The following OR51B5 variants were observed in gnomAD, a reference collection of about 807,000 sequenced individuals.
OR51B5 encodes olfactory receptor 51B5.
For missense variants in OR51B5, 456 were observed against 374.6 expected (o/e 1.22, Z -1.79); for synonymous variants, 186 against 144.8 (o/e 1.28, Z -2.04).
intron 1 of OR51B5, among the ~76,000 whole-genome samples, chr11:5,377,489 G>T (rs778972381): frequency 7.2e-5 from 11 of 152,086 alleles, no homozygotes; most frequent in Admixed American, 6.6e-4. Context: ...AGGAAAAAAG[G>T]GTATTCAATT....
chr11:5,448,558 A>G (rs919098591), intron 1 of OR51B5, among the ~76,000 whole-genome samples: 4 of 152,250 alleles, frequency 2.6e-5, no homozygotes, highest in Non-Finnish European at 5.9e-5. Context: ...GCAACCACAC[A>G]GAATAATGAT....
chr11:5,386,463 T>A (rs7113139), intron 1 of OR51B5, among the ~76,000 whole-genome samples: 27,574 of 152,206 alleles, frequency 0.18, 2,663 homozygotes, highest in African/African-American at 0.26. Context: ...CATAGTTACA[T>A]GAAATATTCA....
At chr11:5,433,984 C>T (rs974147415) in intron 1 of OR51B5, among the ~76,000 whole-genome samples, 4 of 152,182 alleles carry the variant, frequency 2.6e-5, no homozygotes, top group Non-Finnish European at 5.9e-5. Context: ...ACTTTCCTGA[C>T]ATGTGAAATG....
chr11:5,369,640 C>T (rs1849421584), intron 1 of OR51B5, among the ~76,000 whole-genome samples: 2 of 152,116 alleles, frequency 1.3e-5, no homozygotes, highest in African/African-American at 2.4e-5. Context: ...CCTTACCTTT[C>T]TATCCTCCCT....
chr11:5,346,479 T>C (rs546083663), upstream of OR51B5: 2 of 136,738 alleles, frequency 1.5e-5, no homozygotes, highest in South Asian at 2.3e-4. Flanking sequence ...GAAAATCAGA[T>C]AAACTTCTAA....
intron 1 of OR51B5, among the ~76,000 whole-genome samples, chr11:5,410,766 T>C (rs949092544): frequency 2.6e-5 from 4 of 152,176 alleles, no homozygotes; most frequent in East Asian, 1.9e-4. Flanking sequence ...AACAATATAC[T>C]GATGATCTTG....
chr11:5,460,804 T>C (rs1050092848), intron 1 of OR51B5, among the ~76,000 whole-genome samples: 2 of 152,208 alleles, frequency 1.3e-5, no homozygotes, highest in East Asian at 3.8e-4. Flanking sequence ...ATAAGTTTGG[T>C]TTAGTTGATT....
intron 1 of OR51B5, chr11:5,391,503 T>C (rs1849794733): frequency 6.6e-6 from 1 of 152,234 alleles, no homozygotes; most frequent in Non-Finnish European, 1.5e-5. Context: ...GCCTAGCACA[T>C]GCCATATACT....
chr11:5,476,632 A>G (rs1221442745), intron 1 of OR51B5, among the ~76,000 whole-genome samples: 1 of 152,204 alleles, frequency 6.6e-6, no homozygotes, highest in Non-Finnish European at 1.5e-5. Flanking sequence ...CAAGAACTGT[A>G]AGACTTTTCA....
intron 1 of OR51B5, among the ~76,000 whole-genome samples, chr11:5,458,056 G>C (rs560473068): frequency 6.6e-6 from 1 of 152,104 alleles, no homozygotes; most frequent in Non-Finnish European, 1.5e-5. Flanking sequence ...GTCCAGAATG[G>C]TATTTCCTAG....
chr11:5,409,488 T>G (rs964595822), intron 1 of OR51B5, among the ~76,000 whole-genome samples: 4 of 137,612 alleles, frequency 2.9e-5, no homozygotes, highest in Admixed American at 7.9e-5. Context: ...TAAAAAATAA[T>G]TCAATGCAAA....
At chr11:5,477,754 C>CA (rs1464216059) in intron 1 of OR51B5, among the ~76,000 whole-genome samples, 1 of 152,100 alleles carries the variant, frequency 6.6e-6, no homozygotes, top group African/African-American at 2.4e-5. Flanking sequence ...GGGTGACGGA[C>CA]GCACCTGGAA....
At chr11:5,377,177 A>G (rs1773738579) in intron 1 of OR51B5, among the ~76,000 whole-genome samples, 3 of 152,122 alleles carry the variant, frequency 2.0e-5, no homozygotes, top group South Asian at 2.1e-4. Flanking sequence ...AATAAATGTA[A>G]TCCAGCATAT....
chr11:5,359,682 A>G (rs1297368880), intron 1 of OR51B5, among the ~76,000 whole-genome samples: 1 of 150,200 alleles, frequency 6.7e-6, no homozygotes, highest in East Asian at 1.9e-4. Context: ...GCCCACATTG[A>G]CATGCCAATC....
chr11:5,389,334 T>C, intron 1 of OR51B5: 1 of 1,476,156 alleles, frequency 6.8e-7, no homozygotes. Context: ...ATGTTGTGAA[T>C]GTTAGTGAAG....
At chr11:5,477,026 A>T (rs1851318331) in intron 1 of OR51B5, among the ~76,000 whole-genome samples, 1 of 152,208 alleles carries the variant, frequency 6.6e-6, no homozygotes, top group South Asian at 2.1e-4. Flanking sequence ...TGTTTTGTAT[A>T]TTTTAAAATG....
chr11:5,468,363 A>C, intron 1 of OR51B5: 1 of 215,082 alleles, frequency 4.6e-6, no homozygotes, highest in Non-Finnish European at 9.3e-6. Flanking sequence ...AACTTCTGGC[A>C]GGTACACAAT....
chr11:5,474,434 C>T (rs1208559675), intron 1 of OR51B5, among the ~76,000 whole-genome samples: 1 of 152,180 alleles, frequency 6.6e-6, no homozygotes, highest in Admixed American at 6.5e-5. Flanking sequence ...GAAGACCCTA[C>T]TAGCCTGCTA....
intron 1 of OR51B5, among the ~76,000 whole-genome samples, chr11:5,463,902 T>C (rs1344229098): frequency 6.6e-6 from 1 of 152,204 alleles, no homozygotes; most frequent in African/African-American, 2.4e-5. Context: ...CACCATGATT[T>C]GAATGGCTGC....
Sources: gnomAD v4.1 joint callset for allele counts (sites outside exome capture counted in the v4.1 genomes callset) on GRCh38, gnomAD v4.1.1 for gene constraint, MANE v1.5 for transcripts, NCBI Gene and HGNC (gene_info 2026-07-23, HGNC 2026-07-21) for gene names.